The following XKR9 variants were observed in gnomAD, a reference collection of about 807,000 sequenced individuals.
XKR9 encodes XK-related protein 9.
XKR9 carries 32 observed loss-of-function variants against 32.0 expected under a neutral mutation model. That is an observed-to-expected ratio of 1.00 (90% confidence interval 0.76 to 1.34). XKR9 has a LOEUF of 1.34. Among genes scored for constraint, XKR9 ranks in the 40% most tolerant of loss-of-function variants. XKR9 has a pLI of 0.00. For missense variants in XKR9, 546 were observed against 429.7 expected (o/e 1.27, Z -2.39); for synonymous variants, 168 against 143.4 (o/e 1.17, Z -1.22).
At chr8:70,894,073 C>A in the XKR9 span, among the ~76,000 whole-genome samples, 1 of 152,034 alleles carries the variant, frequency 6.6e-6, no homozygotes, top group South Asian at 2.1e-4. Context: ...TGAGGAAGAA[C>A]AGGTGTTTGG....
At chr8:70,855,395 GAATGA>G in the XKR9 span, among the ~76,000 whole-genome samples, 1 of 152,056 alleles carries the variant, frequency 6.6e-6, no homozygotes, top group Non-Finnish European at 1.5e-5. Flanking sequence ...AAGACGAAAT[GAATGA>G]AATGAAGCAA....
chr8:70,897,649 A>G, the XKR9 span, among the ~76,000 whole-genome samples: 2 of 152,184 alleles, frequency 1.3e-5, no homozygotes, highest in African/African-American at 2.4e-5. Flanking sequence ...GCACCTTTTC[A>G]TATACTTATT....
chr8:70,956,090 G>C, the XKR9 span, among the ~76,000 whole-genome samples: 3 of 152,140 alleles, frequency 2.0e-5, no homozygotes, highest in African/African-American at 7.2e-5. Context: ...TTGCAACATG[G>C]CGAGCAGTGG....
At chr8:70,955,356 T>G in the XKR9 span, among the ~76,000 whole-genome samples, 386 of 152,302 alleles carry the variant, frequency 2.5e-3, no homozygotes, top group South Asian at 0.011. Context: ...GGAGGCCTAT[T>G]ATATACTGAC....
the XKR9 span, among the ~76,000 whole-genome samples, chr8:71,000,686 T>C: frequency 6.6e-6 from 1 of 152,174 alleles, no homozygotes. Flanking sequence ...CTAAATGCTT[T>C]AGTTTCTTTT....
the XKR9 span, among the ~76,000 whole-genome samples, chr8:70,944,644 C>T: frequency 6.6e-6 from 1 of 152,142 alleles, no homozygotes. Flanking sequence ...TAGGAGCCAC[C>T]TCTCTGTAAA....
chr8:70,870,870 A>G, the XKR9 span, among the ~76,000 whole-genome samples: 1 of 152,212 alleles, frequency 6.6e-6, no homozygotes, highest in East Asian at 1.9e-4. Flanking sequence ...AAAAGTCTTA[A>G]TAACAAAAGA....
the XKR9 span, among the ~76,000 whole-genome samples, chr8:70,841,169 A>G: frequency 1.3e-5 from 2 of 152,186 alleles, no homozygotes; most frequent in East Asian, 1.9e-4. Context: ...TGATACAATC[A>G]TAACACTATT....
At chr8:70,920,346 T>A in the XKR9 span, among the ~76,000 whole-genome samples, 1 of 152,180 alleles carries the variant, frequency 6.6e-6, no homozygotes, top group Non-Finnish European at 1.5e-5. Context: ...TGAGATTTAC[T>A]GAAGAATGAA....
chr8:70,819,027 CT>C, the XKR9 span, among the ~76,000 whole-genome samples: 1 of 152,152 alleles, frequency 6.6e-6, no homozygotes, highest in Non-Finnish European at 1.5e-5. Context: ...GCAGTCAAAG[CT>C]GGTTAAAATC....
At chr8:70,900,999 T>A in the XKR9 span, among the ~76,000 whole-genome samples, 1 of 152,230 alleles carries the variant, frequency 6.6e-6, no homozygotes, top group Non-Finnish European at 1.5e-5. Context: ...CATCCTTTTT[T>A]ATGGCTGCAT....
chr8:70,901,841 G>C, the XKR9 span, among the ~76,000 whole-genome samples: 163 of 152,226 alleles, frequency 1.1e-3, 1 homozygote, highest in Admixed American at 5.6e-3. Context: ...TTTGTGTAAG[G>C]TGAAGGAAGG....
At chr8:71,030,142 G>C in the XKR9 span, among the ~76,000 whole-genome samples, 19 of 152,080 alleles carry the variant, frequency 1.2e-4, no homozygotes, top group Non-Finnish European at 2.9e-5. Flanking sequence ...ATGTTGGCAG[G>C]ACAGATTGCA....
At chr8:71,028,583 A>G in the XKR9 span, among the ~76,000 whole-genome samples, 2 of 152,200 alleles carry the variant, frequency 1.3e-5, no homozygotes, top group African/African-American at 4.8e-5. Context: ...CATGGTGACT[A>G]TATTTAATAT....
chr8:70,844,690 G>T, the XKR9 span, among the ~76,000 whole-genome samples: 1 of 152,234 alleles, frequency 6.6e-6, no homozygotes, highest in Non-Finnish European at 1.5e-5. Context: ...ACCGTCATCT[G>T]TGTACTTCTC....
chr8:71,011,564 A>G, the XKR9 span, among the ~76,000 whole-genome samples: 1 of 152,224 alleles, frequency 6.6e-6, no homozygotes, highest in Admixed American at 6.5e-5. Context: ...TGCTTGGTTG[A>G]TATAAATACT....
chr8:70,682,130 G>A (rs925925011), intron 3 of XKR9, among the ~76,000 whole-genome samples: 3 of 152,060 alleles, frequency 2.0e-5, no homozygotes, highest in African/African-American at 7.2e-5. Flanking sequence ...AAGTTTATAG[G>A]TTTTAGGAAA....
the XKR9 span, among the ~76,000 whole-genome samples, chr8:70,984,465 C>G: frequency 6.6e-6 from 1 of 152,154 alleles, no homozygotes; most frequent in Non-Finnish European, 1.5e-5. Context: ...CTGGATGTCC[C>G]AAGTTGTTCT....
At chr8:70,762,243 A>G (rs999122649) in intron 2 of XKR9, among the ~76,000 whole-genome samples, 1 of 152,074 alleles carries the variant, frequency 6.6e-6, no homozygotes, top group Non-Finnish European at 1.5e-5. Context: ...ATTTTTAATC[A>G]TCCCAAACAA....
Sources: allele counts gnomAD v4.1 joint callset (sites outside exome capture counted in the v4.1 genomes callset), GRCh38; gene constraint gnomAD v4.1.1; transcripts MANE v1.5; gene names NCBI Gene and HGNC (gene_info 2026-07-23, HGNC 2026-07-21).